Variants in ATP11C observed in about 807,000 individuals in gnomAD.
ATP11C encodes the protein ATPase phospholipid transporting 11C (ATP11C blood group).
A neutral mutation model predicts 97.4 loss-of-function variants in ATP11C; 36 were observed. The observed-to-expected ratio is 0.37, with a 90% confidence interval of 0.28 to 0.49. ATP11C has a LOEUF of 0.49. Ranked by LOEUF, ATP11C falls within the 20% of genes least tolerant of loss-of-function variation. The probability of loss-of-function intolerance (pLI) is 0.98; values close to 1 mark genes in which losing one functional copy is unlikely to be tolerated. For synonymous variants in ATP11C, 275 were observed against 290.9 expected (o/e 0.95, Z 0.56); for missense variants, 730 against 824.6 (o/e 0.89, Z 1.40).
intron 1 of ATP11C, among the ~76,000 whole-genome samples, chrX:139,920,908 G>A (rs1021523756): frequency 8.9e-6 from 1 of 111,795 alleles, no homozygotes; most frequent in Non-Finnish European, 1.9e-5. Flanking sequence ...AACTTGAATG[G>A]TGGTAGGTGT....
At position 139,745,875 on chromosome X, in the gene ATP11C, G is replaced by A; in HGVS notation, c.2829-18C>T. ...AAATTTTCCTATTGAGAAATGGGGG[G>A]AAAAAACCATTAGTGAAACTTTTCA... On this transcript the variant is annotated intron_variant, in intron 24 of 29. Transcript: ENST00000682941. The A allele has an allele frequency of 8.4e-7, 1 of 1,186,262 alleles. No individual in the cohort carries two copies.
intron 1 of ATP11C, among the ~76,000 whole-genome samples, chrX:139,848,335 T>G (rs2083939552): frequency 9.0e-6 from 1 of 111,037 alleles, no homozygotes; most frequent in African/African-American, 3.3e-5. Flanking sequence ...GCTTTAAGGA[T>G]CTTCACCTCC....
Position 139,774,987 on chromosome X carries a change from A to C in ATP11C, c.1953-34T>G, listed in dbSNP as rs769455918. 12 of 1,161,014 alleles carry C rather than the reference A, an allele frequency of 1.0e-5. No individual in the cohort carries two copies. In the East Asian group the frequency reaches 3.6e-4, roughly 35 times the overall value. ...ACAAAAGAAACCTTGTGATCTTCTA[A>C]AACTCCTGACAAAGATTCTACAGGA... On this transcript the variant is annotated intron_variant, in intron 18 of 29. Coordinates refer to ENST00000682941, the MANE Select transcript of ATP11C (RefSeq NM_001353812.2).
At chrX:139,905,679 A>G (rs931782388) in intron 1 of ATP11C, among the ~76,000 whole-genome samples, 1 of 111,866 alleles carries the variant, frequency 8.9e-6, no homozygotes, top group African/African-American at 3.3e-5. Context: ...AAAGTGACAC[A>G]GGAAAAGTTT....
At chrX:139,852,268 CGAATGCTATTCCTTTAGCAGCACT>C (rs1446019349) in intron 1 of ATP11C, among the ~76,000 whole-genome samples, 174 of 109,238 alleles carry the variant, frequency 1.6e-3, no homozygotes, top group Non-Finnish European at 2.6e-3. Flanking sequence ...ATTGTATATT[CGAATGCTATTCCTTTAGCAGCACT>C]GAAACTTTAT....
At chrX:139,877,883 C>T (rs1021781581) in intron 1 of ATP11C, among the ~76,000 whole-genome samples, 3 of 110,524 alleles carry the variant, frequency 2.7e-5, no homozygotes, top group Non-Finnish European at 5.7e-5. Flanking sequence ...ATTAGGTGGG[C>T]GTGGTGGCAC....
intron 1 of ATP11C, among the ~76,000 whole-genome samples, chrX:139,871,378 T>A (rs1349403901): frequency 9.3e-6 from 1 of 107,986 alleles, no homozygotes; most frequent in Admixed American, 1.0e-4. Flanking sequence ...CAGCTAATTT[T>A]TGTATTTTCT....
chrX:139,899,268 A>T (rs12834028), intron 1 of ATP11C, among the ~76,000 whole-genome samples: 1 of 110,698 alleles, frequency 9.0e-6, no homozygotes, highest in Non-Finnish European at 1.9e-5. Context: ...ATCACTTGAG[A>T]TCAGGAGTTC....
intron 5 of ATP11C, among the ~76,000 whole-genome samples, chrX:139,808,209 AAGG>A (rs1309862686): frequency 1.8e-5 from 2 of 111,505 alleles, no homozygotes; most frequent in African/African-American, 6.5e-5. Flanking sequence ...ACAGGAGAAA[AAGG>A]AGTGTACTTA....
At chrX:139,788,911 T>C (rs1008069730) in intron 13 of ATP11C, among the ~76,000 whole-genome samples, 3 of 112,154 alleles carry the variant, frequency 2.7e-5, no homozygotes, top group Non-Finnish European at 5.6e-5. Flanking sequence ...CAATAGTTAT[T>C]CTAAAGTCAC....
chrX:139,861,741 C>A (rs977347475), intron 1 of ATP11C, among the ~76,000 whole-genome samples: 1 of 106,414 alleles, frequency 9.4e-6, no homozygotes, highest in African/African-American at 3.5e-5. Context: ...AAATCAAATT[C>A]GTGTAGTCCT....
At chrX:139,839,347 T>A in intron 1 of ATP11C, among the ~76,000 whole-genome samples, 1 of 112,048 alleles carries the variant, frequency 8.9e-6, no homozygotes, top group Non-Finnish European at 1.9e-5. Flanking sequence ...TCCAATAGAT[T>A]GTTCACTTTA....
chrX:139,730,803 A>G (rs5954351), intron 29 of ATP11C, among the ~76,000 whole-genome samples: 4 of 110,630 alleles, frequency 3.6e-5, no homozygotes, highest in African/African-American at 9.9e-5. Context: ...TGGATGGATA[A>G]AAGACCTCCA....
chrX:139,733,383 T>A (rs1024233605), intron 28 of ATP11C, among the ~76,000 whole-genome samples: 2 of 112,344 alleles, frequency 1.8e-5, no homozygotes, highest in Non-Finnish European at 3.8e-5. Context: ...ACTCTGCTAA[T>A]AAAGATTACC....
intron 1 of ATP11C, among the ~76,000 whole-genome samples, chrX:139,842,224 G>A (rs2147929669): frequency 8.9e-6 from 1 of 112,113 alleles, no homozygotes; most frequent in South Asian, 3.7e-4. Flanking sequence ...AGTAGAGGCA[G>A]GGTTTCACCG....
intron 20 of ATP11C, 27 bp from the exon 21 acceptor site, chrX:139,763,445 A>C (rs1368574463): frequency 9.1e-7 from 1 of 1,101,706 alleles, no homozygotes; most frequent in Non-Finnish European, 1.3e-6. Context: ...AAAGAGGTGT[A>C]AAAAAGGTCA....
chrX:139,786,509 TACCTGTAA>T (rs1247275492), intron 15 of ATP11C, among the ~76,000 whole-genome samples: 2 of 108,807 alleles, frequency 1.8e-5, no homozygotes, highest in Non-Finnish European at 3.9e-5. Context: ...ATTACCCAAG[TACCTGTAA>T]ACATATTACA....
intron 5 of ATP11C, 31 bp downstream of exon 5, chrX:139,814,847 A>G (rs758279691): frequency 7.9e-6 from 7 of 891,016 alleles, no homozygotes; most frequent in East Asian, 3.2e-5. Flanking sequence ...TATTTTTACC[A>G]TTAAAAAAGG....
At chrX:139,921,252 T>C (rs1232076438) in intron 1 of ATP11C, among the ~76,000 whole-genome samples, 1 of 111,381 alleles carries the variant, frequency 9.0e-6, no homozygotes, top group African/African-American at 3.3e-5. Context: ...ATCCCCATAA[T>C]ACCCACCTGT....
Sources: allele counts gnomAD v4.1 joint callset (sites outside exome capture counted in the v4.1 genomes callset), GRCh38; gene constraint gnomAD v4.1.1; transcripts MANE v1.5; gene names NCBI Gene and HGNC (gene_info 2026-07-23, HGNC 2026-07-21).